The following IARS1 variants were observed in gnomAD, a reference collection of about 807,000 sequenced individuals.
IARS1 encodes the protein isoleucyl-tRNA synthetase 1.
Under a neutral mutation model 168.2 loss-of-function variants are expected in IARS1, and 124 were observed. The observed-to-expected ratio is 0.74, with a 90% CI of 0.64 to 0.86. The LOEUF is 0.86. IARS1 is among the 40% of genes least tolerant of loss of function. IARS1 has a pLI of 0.00. For missense variants in IARS1, 1,452 were observed against 1,515.8 expected (o/e 0.96, Z 0.70); for synonymous variants, 532 against 529.4 (o/e 1.00, Z -0.07).
chr9:92,225,302 ATT>A (rs1825497385), intron 31 of IARS1, among the ~76,000 whole-genome samples: 1 of 152,160 alleles, frequency 6.6e-6, no homozygotes, highest in Non-Finnish European at 1.5e-5. Flanking sequence ...CAGAGAACTC[ATT>A]TTTCAGCAAA....
At chr9:92,214,135 T>TA (rs1838222728) in intron 33 of IARS1, among the ~76,000 whole-genome samples, 1 of 151,956 alleles carries the variant, frequency 6.6e-6, no homozygotes, top group Non-Finnish European at 1.5e-5. Flanking sequence ...TGATTGAGTT[T>TA]AAAGTGTGTC....
At chr9:92,250,086 G>A (rs764466343) in intron 24 of IARS1, 101 bp downstream of exon 24, 35 of 900,662 alleles carry the variant, frequency 3.9e-5, no homozygotes, top group Non-Finnish European at 6.2e-5. Flanking sequence ...CTGCAGAAAA[G>A]GAAAAAGGCC....
chr9:92,255,534 CT>C (rs1830597009), intron 20 of IARS1, among the ~76,000 whole-genome samples: 1 of 152,216 alleles, frequency 6.6e-6, no homozygotes, highest in Admixed American at 6.5e-5. Context: ...AACGAACTCA[CT>C]GTTGTTAGTT....
chr9:92,268,484 T>C (rs1832599294), intron 13 of IARS1, among the ~76,000 whole-genome samples, 184 bp from the exon 14 acceptor site: 2 of 152,226 alleles, frequency 1.3e-5, no homozygotes. Flanking sequence ...TGTGCTGCCA[T>C]CAATGACCTA....
At chr9:92,281,306 G>A (rs1399965276) in intron 6 of IARS1, among the ~76,000 whole-genome samples, 1 of 152,024 alleles carries the variant, frequency 6.6e-6, no homozygotes, top group Non-Finnish European at 1.5e-5. Flanking sequence ...GCTAATTTTT[G>A]TATTTTTAGT....
chr9:92,277,150 A>C (rs552183702), intron 9 of IARS1, among the ~76,000 whole-genome samples: 2 of 152,346 alleles, frequency 1.3e-5, no homozygotes, highest in East Asian at 3.9e-4. Flanking sequence ...CAAATGTAAA[A>C]TGATTCCTCA....
intron 17 of IARS1, 89 bp downstream of exon 17, chr9:92,262,880 C>T (rs957529063): frequency 6.7e-6 from 6 of 896,580 alleles, no homozygotes; most frequent in Admixed American, 1.9e-5. Flanking sequence ...CCACCTGTCA[C>T]TACAACAAAG....
intron 9 of IARS1, among the ~76,000 whole-genome samples, chr9:92,274,773 T>C (rs571295897): frequency 9.8e-5 from 15 of 152,350 alleles, no homozygotes; most frequent in African/African-American, 3.6e-4. Flanking sequence ...CTAATTTCCT[T>C]GGTTACAAAC....
chr9:92,268,743 G>A (rs776630385), intron 13 of IARS1, among the ~76,000 whole-genome samples: 6 of 152,218 alleles, frequency 3.9e-5, no homozygotes, highest in Non-Finnish European at 7.3e-5. Context: ...CCTTGGTCTT[G>A]AATTTCAGGC....
intron 18 of IARS1, 36 bp downstream of exon 18, chr9:92,260,115 C>T (rs749824449): frequency 7.0e-7 from 1 of 1,425,020 alleles, no homozygotes; most frequent in South Asian, 1.2e-5. Context: ...CATAAAAAAA[C>T]AATAGATACA....
chr9:92,269,411 CA>C (rs2133858268), intron 13 of IARS1, among the ~76,000 whole-genome samples: 2 of 152,336 alleles, frequency 1.3e-5, no homozygotes, highest in South Asian at 4.1e-4. Flanking sequence ...GGACACATAT[CA>C]GCTATGGAAA....
chr9:92,211,778 CTATTTTCTACGTCTGGAGAAGTAAAAGT>C (rs1308373647), intron 33 of IARS1, among the ~76,000 whole-genome samples: 2 of 152,136 alleles, frequency 1.3e-5, no homozygotes, highest in African/African-American at 4.8e-5. Flanking sequence ...TGAAGAACAG[CTATTTTCTACGTCTGGAGAAGTAAAAGT>C]ACATAATAAG....
At chr9:92,245,143 GC>G in intron 26 of IARS1, 72 bp from the exon 27 acceptor site, 1 of 1,150,410 alleles carries the variant, frequency 8.7e-7, no homozygotes, top group East Asian at 2.4e-5. Context: ...CGTGTATTAT[GC>G]CCCTTCTTGA....
At chr9:92,230,170 G>A (rs548050495) in intron 30 of IARS1, among the ~76,000 whole-genome samples, 1 of 151,878 alleles carries the variant, frequency 6.6e-6, no homozygotes, top group South Asian at 2.1e-4. Flanking sequence ...GAATGCAGTA[G>A]TGCGATTTCG....
intron 21 of IARS1, chr9:92,252,246 T>A: frequency 2.3e-6 from 1 of 432,212 alleles, no homozygotes; most frequent in Non-Finnish European, 4.4e-6. Context: ...TTAAAGTACC[T>A]TTAAATAAGA....
At chr9:92,293,475 T>A (rs757239543) in intron 1 of IARS1, 136 bp downstream of exon 1, 1 of 531,040 alleles carries the variant, frequency 1.9e-6, no homozygotes, top group East Asian at 5.4e-5. Context: ...TTCCTGAGGC[T>A]GGAAACGAAC....
At position 92,229,358 on chromosome 9, in the gene IARS1, T is replaced by TACACACACACACACACACAC. The variant is rs113517739; in HGVS notation, c.3284-252_3284-233dup. Among the ~76,000 whole-genome samples, 251 of 144,904 alleles carry TACACACACACACACACACAC rather than the reference T, an allele frequency of 1.7e-3. 1 individual carries two copies. Among genetic ancestry groups the TACACACACACACACACACAC allele is most frequent in the African/African-American group, 6.1e-3 (236 of 38,750 alleles). The stretch of plus-strand genomic sequence containing the variant: ...TATAGTGTATATGCAATATATACAC[T>TACACACACACACACACACAC]ACACACACACACACACACACACACA... On this transcript the variant is annotated intron_variant, in intron 30 of 33. Transcript: ENST00000443024.
rs58227589 is a variant in IARS1 at position 92,225,590 on chromosome 9, T to TTA, written c.3410-2102_3410-2101insTA. On this transcript the variant is annotated intron_variant, in intron 31 of 33. Coordinates refer to ENST00000443024, the MANE Select transcript of IARS1 (RefSeq NM_002161.6). ...AAAAGTGTGATTTTTTTTTTTTTTT[T>TTA]AATCTACTAGGGTCTTTATTTGGAA... 9.4e-3 allele frequency among the ~76,000 whole-genome samples: 1,417 copies of TTA among 151,344 alleles called. 20 individuals carry two copies. The highest frequency in any genetic ancestry group is 0.032 in the African/African-American group (1,304 of 41,074).
chr9:92,281,503 T>C (rs1357401014), intron 6 of IARS1, among the ~76,000 whole-genome samples: 4 of 152,154 alleles, frequency 2.6e-5, no homozygotes, highest in Non-Finnish European at 1.5e-5. Context: ...TGATTATCTA[T>C]TTTGTAAGTC....
Sources: allele counts gnomAD v4.1 joint callset (sites outside exome capture counted in the v4.1 genomes callset), GRCh38; gene constraint gnomAD v4.1.1; transcripts MANE v1.5; gene names NCBI Gene and HGNC (gene_info 2026-07-23, HGNC 2026-07-21).